APBB2: variants seen among roughly 807,000 people sequenced by gnomAD.
APBB2 encodes amyloid beta precursor protein binding family B member 2.
APBB2 carries 38 observed loss-of-function variants against 82.5 expected under a neutral mutation model. That is an observed-to-expected ratio of 0.46 (90% CI 0.36 to 0.60). APBB2 has a LOEUF of 0.60. APBB2 is among the 20% of genes least tolerant of loss of function. APBB2 has a pLI of 0.00. For synonymous variants in APBB2, 341 were observed against 368.2 expected (o/e 0.93, Z 0.85); for missense variants, 772 against 972.3 (o/e 0.79, Z 2.74).
intron 2 of APBB2, among the ~76,000 whole-genome samples, chr4:41,108,735 C>T (rs930422277): frequency 2.6e-5 from 4 of 152,222 alleles, no homozygotes; most frequent in Admixed American, 1.3e-4. Flanking sequence ...GTCTGACACA[C>T]GCACCCAGGC....
chr4:41,205,280 G>A (rs1176189663), intron 1 of APBB2, among the ~76,000 whole-genome samples: 2 of 152,156 alleles, frequency 1.3e-5, no homozygotes, highest in South Asian at 2.1e-4. Context: ...GTAAAGGGAA[G>A]AGTTACTAAG....
chr4:40,871,860 T>C (rs1189802322), intron 12 of APBB2, among the ~76,000 whole-genome samples: 1 of 152,236 alleles, frequency 6.6e-6, no homozygotes, highest in Non-Finnish European at 1.5e-5. Context: ...GATATGGTGA[T>C]GGCTGTCAAG....
intron 4 of APBB2, 83 bp from the exon 5 acceptor site, chr4:41,033,387 T>C: frequency 2.1e-6 from 2 of 974,358 alleles, no homozygotes; most frequent in Admixed American, 6.7e-5. Context: ...TGAAAATCTC[T>C]CCAAAAGCTG....
At chr4:40,894,888 C>G (rs887652532) in intron 10 of APBB2, among the ~76,000 whole-genome samples, 1 of 152,152 alleles carries the variant, frequency 6.6e-6, no homozygotes, top group African/African-American at 2.4e-5. Flanking sequence ...TGAGCTGGGT[C>G]CCTCATCTCT....
At chr4:41,087,884 C>A (rs1023254102) in intron 3 of APBB2, among the ~76,000 whole-genome samples, 3 of 152,140 alleles carry the variant, frequency 2.0e-5, no homozygotes, top group Non-Finnish European at 2.9e-5. Flanking sequence ...ACCAAGACAG[C>A]GGTATAATAC....
intron 12 of APBB2, among the ~76,000 whole-genome samples, chr4:40,879,745 G>A (rs1406639677): frequency 6.7e-6 from 1 of 150,026 alleles, no homozygotes; most frequent in East Asian, 2.0e-4. Flanking sequence ...AGGCTGGAGT[G>A]CAATGGCACA....
At chr4:41,187,538 C>A (rs1162203363) in intron 1 of APBB2, among the ~76,000 whole-genome samples, 1 of 152,168 alleles carries the variant, frequency 6.6e-6, no homozygotes, top group Non-Finnish European at 1.5e-5. Context: ...CCATCAAGTA[C>A]AATTCATGTT....
intron 12 of APBB2, chr4:40,857,253 GC>G: frequency 2.3e-6 from 2 of 874,412 alleles, no homozygotes; most frequent in Non-Finnish European, 2.7e-6. Context: ...GCCCCACCCG[GC>G]CGCACTCCCG....
intron 10 of APBB2, among the ~76,000 whole-genome samples, chr4:40,916,021 G>A (rs1402410681): frequency 1.3e-5 from 2 of 152,264 alleles, no homozygotes; most frequent in Non-Finnish European, 1.5e-5. Context: ...CAGGGAAATG[G>A]TCCCTGACCG....
At chr4:40,824,633 A>G (rs1463757217) in intron 15 of APBB2, among the ~76,000 whole-genome samples, 1 of 152,062 alleles carries the variant, frequency 6.6e-6, no homozygotes, top group Non-Finnish European at 1.5e-5. Context: ...GACTACAGGT[A>G]CATGCCACCA....
intron 6 of APBB2, among the ~76,000 whole-genome samples, chr4:40,956,908 T>C (rs1463040721): frequency 6.6e-6 from 1 of 152,226 alleles, no homozygotes; most frequent in African/African-American, 2.4e-5. Flanking sequence ...CATGGAGGCA[T>C]AGTCTCTGCT....
intron 10 of APBB2, 102 bp downstream of exon 10, chr4:40,934,339 GATAATTACTTATTAA>G: frequency 1.0e-6 from 1 of 977,434 alleles, no homozygotes. Flanking sequence ...AAAATTGAGG[GATAATTACTTATTAA>G]ATGGCTCTGG....
At chr4:40,913,207 T>C (rs68087248) in intron 10 of APBB2, among the ~76,000 whole-genome samples, 11 of 152,064 alleles carry the variant, frequency 7.2e-5, no homozygotes, top group African/African-American at 2.7e-4. Flanking sequence ...CCCGCCAGTC[T>C]GGGGGGTCAG....
At chr4:40,906,464 C>CAAAAAAAAAAAAAAAAAAAAAAAAA (rs5857755) in intron 10 of APBB2, among the ~76,000 whole-genome samples, 3 of 67,990 alleles carry the variant, frequency 4.4e-5, no homozygotes, top group African/African-American at 1.3e-4. Flanking sequence ...AAACCTGTCT[C>CAAAAAAAAAAAAAAAAAAAAAAAAA]AAAAAAAAAA....
chr4:40,961,667 T>TAAAAAAAAAAAAAAAA lies in APBB2; in HGVS notation c.836-16610_836-16595dup, dbSNP rs60942744. 1.2e-4 allele frequency among the ~76,000 whole-genome samples: 8 copies of TAAAAAAAAAAAAAAAA among 68,242 alleles called. 1 individual carries two copies. The highest frequency in any genetic ancestry group is 1.8e-4 in the African/African-American group (3 of 16,736). 44.8% of individuals were successfully genotyped at this position (68,242 alleles called of 152,430 possible). On this transcript the variant is annotated intron_variant, in intron 6 of 17. Coordinates refer to ENST00000508593, the MANE Select transcript of APBB2 (RefSeq NM_004307.2). ...AATAATGAAAGAAAAAAAAAAGATGTAAAAAAAAAAAAAAAAAAAAAAAAA... is the reference window on the plus strand; with the variant it reads ...AATAATGAAAGAAAAAAAAAAGATGTAAAAAAAAAAAAAAAAAAAAAAAAAAAAAAAAAAAAAAAAA...
chr4:41,101,182 C>A (rs1487967967), intron 2 of APBB2, among the ~76,000 whole-genome samples: 1 of 152,148 alleles, frequency 6.6e-6, no homozygotes, highest in Non-Finnish European at 1.5e-5. Context: ...AGAAGTGAAT[C>A]GGCCGGGCGC....
At chr4:41,076,241 G>T (rs1434196779) in intron 3 of APBB2, among the ~76,000 whole-genome samples, 2 of 152,206 alleles carry the variant, frequency 1.3e-5, no homozygotes, top group African/African-American at 4.8e-5. Context: ...TGTAAGTTAA[G>T]ACACAGTTAA....
At chr4:40,894,093 C>T (rs957642856) in intron 10 of APBB2, among the ~76,000 whole-genome samples, 4 of 152,054 alleles carry the variant, frequency 2.6e-5, no homozygotes, top group Non-Finnish European at 4.4e-5. Context: ...TCGAGACCAT[C>T]CCGGCTAACA....
chr4:40,867,375 T>A (rs1764282345), intron 12 of APBB2, among the ~76,000 whole-genome samples: 1 of 152,236 alleles, frequency 6.6e-6, no homozygotes, highest in South Asian at 2.1e-4. Flanking sequence ...ATTTTTCATA[T>A]CTATCATTTC....
Sources: allele counts gnomAD v4.1 joint callset (sites outside exome capture counted in the v4.1 genomes callset), GRCh38; gene constraint gnomAD v4.1.1; transcripts MANE v1.5; gene names NCBI Gene and HGNC (gene_info 2026-07-23, HGNC 2026-07-21).